Variants in LRP1B observed in about 807,000 individuals in gnomAD.
LRP1B encodes the protein LDL receptor related protein 1B, also known as low-density lipoprotein receptor-related protein 1B.
In LRP1B, 217 loss-of-function variants were observed where a neutral mutation model predicts 556.6. The observed-to-expected ratio is 0.39, with a 90% CI of 0.35 to 0.44. The LOEUF (loss-of-function observed/expected upper bound fraction) is 0.44. Among genes scored for constraint, LRP1B ranks in the 20% least tolerant of loss-of-function variants. The pLI is 1.00. For synonymous variants in LRP1B, 2,047 were observed against 1,865.8 expected (o/e 1.10, Z -2.50); for missense variants, 5,053 against 5,620.8 (o/e 0.90, Z 3.23).
intron 32 of LRP1B, among the ~76,000 whole-genome samples, chr2:140,785,989 C>T (rs1689884512): frequency 6.6e-6 from 1 of 152,142 alleles, no homozygotes; most frequent in Non-Finnish European, 1.5e-5. Flanking sequence ...GTAGAAACTG[C>T]TTAGCTCAGG....
chr2:140,376,978 C>CA (rs1383911386), intron 68 of LRP1B, among the ~76,000 whole-genome samples: 1 of 152,084 alleles, frequency 6.6e-6, no homozygotes, highest in Non-Finnish European at 1.5e-5. Flanking sequence ...AGCGGGCGGG[C>CA]ATTCATGAGA....
At chr2:141,131,408 T>TATATATATATAC (rs1553464576) in intron 7 of LRP1B, among the ~76,000 whole-genome samples, 1 of 3,182 alleles carries the variant, frequency 3.1e-4, no homozygotes, top group African/African-American at 6.9e-4. Flanking sequence ...TGCATAAAGT[T>TATATATATATAC]ATATATATAT....
intron 74 of LRP1B, 42 bp downstream of exon 74, chr2:140,357,937 C>T (rs1176326741): frequency 6.3e-7 from 1 of 1,581,020 alleles, no homozygotes; most frequent in Admixed American, 1.7e-5. Flanking sequence ...AGAAGTTAGA[C>T]TTGTGTATCC....
At chr2:141,026,211 A>G (rs1344797861) in intron 11 of LRP1B, among the ~76,000 whole-genome samples, 1 of 152,094 alleles carries the variant, frequency 6.6e-6, no homozygotes, top group Non-Finnish European at 1.5e-5. Context: ...TCAATAGTAA[A>G]TTATTCAATC....
chr2:140,752,019 A>G (rs752242616), intron 35 of LRP1B, among the ~76,000 whole-genome samples: 13 of 152,108 alleles, frequency 8.5e-5, no homozygotes, highest in Non-Finnish European at 1.6e-4. Context: ...AGTTAAGAAC[A>G]CTTAGCCACT....
chr2:141,014,009 C>A (rs1426158268), intron 13 of LRP1B, among the ~76,000 whole-genome samples: 1 of 151,952 alleles, frequency 6.6e-6, no homozygotes, highest in Admixed American at 6.6e-5. Context: ...TAAATTCTTT[C>A]ATCTATGGCA....
rs1009100484 is a variant in LRP1B at position 140,353,088 on chromosome 2, T to A, written c.11531-16A>T. The A allele has an allele frequency of 6.2e-7, 1 of 1,611,890 alleles. No homozygotes were observed. The highest frequency in any genetic ancestry group is 8.5e-7 in the Non-Finnish European group (1 of 1,179,120). On this transcript the variant is annotated splice_polypyrimidine_tract_variant and intron_variant, in intron 75 of 90. Transcript: ENST00000389484. Reference sequence around the variant, plus strand: ...TCATTAAGGTCTAGAAAAGAAGAGCTCAAAATAGCATCATCATACCCTCAA... The same window carrying A: ...TCATTAAGGTCTAGAAAAGAAGAGCACAAAATAGCATCATCATACCCTCAA...
chr2:140,827,073 T>G (rs114394728), intron 31 of LRP1B, among the ~76,000 whole-genome samples: 2,742 of 152,184 alleles, frequency 0.018, 81 homozygotes, highest in African/African-American at 0.063. Flanking sequence ...TAATATGCCA[T>G]CTAATGCCCC....
At chr2:140,321,027 G>A (rs1003962923) in intron 82 of LRP1B, among the ~76,000 whole-genome samples, 2 of 151,978 alleles carry the variant, frequency 1.3e-5, no homozygotes, top group Admixed American at 6.6e-5. Context: ...CTGCACTCCA[G>A]CCTGGGTGAC....
intron 6 of LRP1B, among the ~76,000 whole-genome samples, chr2:141,224,624 G>A (rs2105283666): frequency 6.6e-6 from 1 of 152,280 alleles, no homozygotes; most frequent in South Asian, 2.1e-4. Flanking sequence ...ATATATCATG[G>A]AATACTATGC....
At chr2:141,434,625 C>T (rs1212756003) in intron 3 of LRP1B, among the ~76,000 whole-genome samples, 1 of 151,996 alleles carries the variant, frequency 6.6e-6, no homozygotes, top group Non-Finnish European at 1.5e-5. Flanking sequence ...GATAATTTTT[C>T]CTTGTATTTG....
rs1011499807 is a variant in LRP1B, at chr2:141,360,015, C to A, written c.344-105374G>T. Among the ~76,000 whole-genome samples, 5 of 151,914 alleles carry A rather than the reference C, an allele frequency of 3.3e-5. No homozygotes were observed. In the East Asian group the frequency reaches 7.7e-4, roughly 24 times the overall value. ...AACAGGGAAGATAGATACACAAAAC[C>A]AAATCAGTAATAAGTGTGTAGAAAA... On this transcript the variant is annotated intron_variant, in intron 3 of 90. Coordinates refer to ENST00000389484, the MANE Select transcript of LRP1B (RefSeq NM_018557.3).
intron 3 of LRP1B, among the ~76,000 whole-genome samples, chr2:141,321,688 A>C (rs1302592906): frequency 3.3e-5 from 5 of 152,114 alleles, no homozygotes; most frequent in Admixed American, 3.3e-4. Context: ...GCATGGCACC[A>C]ATCCTTTTTT....
Position 142,130,736 on chromosome 2 carries a change from C to T in LRP1B, c.-7G>A. 1 of 1,608,602 alleles carries T rather than the reference C, an allele frequency of 6.2e-7. No individual in the cohort carries two copies. Among genetic ancestry groups the T allele is most frequent in the Non-Finnish European group, 8.5e-7 (1 of 1,177,348 alleles). ...CGAGGAGAAACTCGGACATTGTGGT[C>T]GCCCGGTAAGGAAGCCTGCGCTGGA... On this transcript the variant is annotated 5_prime_UTR_variant, in exon 1 of 91. Transcript: ENST00000389484.
chr2:142,047,494 A>T (rs753217496), intron 1 of LRP1B, among the ~76,000 whole-genome samples: 3 of 151,916 alleles, frequency 2.0e-5, no homozygotes, highest in African/African-American at 4.8e-5. Flanking sequence ...CAATTCCTTG[A>T]AGTAAAATAA....
At chr2:140,927,227 C>T (rs953672592) in intron 20 of LRP1B, among the ~76,000 whole-genome samples, 3 of 152,128 alleles carry the variant, frequency 2.0e-5, no homozygotes, top group Non-Finnish European at 4.4e-5. Flanking sequence ...ATCACTTGAA[C>T]CCAGGAGGCA....
At chr2:141,642,303 G>A (rs1689365751) in intron 2 of LRP1B, among the ~76,000 whole-genome samples, 1 of 152,112 alleles carries the variant, frequency 6.6e-6, no homozygotes, top group Non-Finnish European at 1.5e-5. Flanking sequence ...AAATATGAGG[G>A]TAGCAGCCCA....
chr2:141,875,161 TG>T (rs1249640994), intron 1 of LRP1B, among the ~76,000 whole-genome samples: 1 of 151,618 alleles, frequency 6.6e-6, no homozygotes, highest in Non-Finnish European at 1.5e-5. Flanking sequence ...ATACATAAAA[TG>T]ATGATATATA....
At chr2:141,040,368 T>C (rs775095722) in intron 11 of LRP1B, among the ~76,000 whole-genome samples, 2 of 152,122 alleles carry the variant, frequency 1.3e-5, no homozygotes, top group Non-Finnish European at 2.9e-5. Flanking sequence ...TCAGCATGTT[T>C]GCTTCATTAC....
Sources: allele counts gnomAD v4.1 joint callset (sites outside exome capture counted in the v4.1 genomes callset), GRCh38; gene constraint gnomAD v4.1.1; transcripts MANE v1.5; gene names NCBI Gene and HGNC (gene_info 2026-07-23, HGNC 2026-07-21).